Variants in PCLO observed in about 807,000 individuals in gnomAD.
The protein encoded by PCLO is piccolo presynaptic cytomatrix protein, also known as protein piccolo.
A neutral mutation model predicts 427.5 loss-of-function variants in PCLO; 82 were observed. That is an observed-to-expected ratio of 0.19 (90% CI 0.16 to 0.23). The LOEUF (loss-of-function observed/expected upper bound fraction) is 0.23. Among genes scored for constraint, PCLO ranks in the 10% least tolerant of loss-of-function variants. The pLI is 1.00. For synonymous variants in PCLO, 2,357 were observed against 2,155.4 expected (o/e 1.09, Z -2.59); for missense variants, 6,239 against 6,115.9 (o/e 1.02, Z -0.67).
intron 2 of PCLO, among the ~76,000 whole-genome samples, chr7:83,143,322 T>C (rs1468995572): frequency 6.6e-6 from 1 of 152,212 alleles, no homozygotes; most frequent in Non-Finnish European, 1.5e-5. Context: ...TAGCTATTCA[T>C]ATTCATGCAT....
intron 3 of PCLO, among the ~76,000 whole-genome samples, chr7:83,060,991 T>C (rs1789529722): frequency 6.6e-6 from 1 of 152,212 alleles, no homozygotes; most frequent in African/African-American, 2.4e-5. Context: ...CAGAAGTCTT[T>C]TCTGCCCCCA....
At chr7:82,779,655 G>C (rs1583965548) in intron 22 of PCLO, among the ~76,000 whole-genome samples, 1 of 151,632 alleles carries the variant, frequency 6.6e-6, no homozygotes, top group African/African-American at 2.4e-5. Flanking sequence ...AAGAAATCTA[G>C]AGGTAGACAT....
intron 2 of PCLO, among the ~76,000 whole-genome samples, chr7:83,141,489 A>G (rs975985603): frequency 6.6e-6 from 1 of 152,198 alleles, no homozygotes; most frequent in African/African-American, 2.4e-5. Flanking sequence ...GAAAGGCATA[A>G]AAGTATTTGT....
intron 4 of PCLO, among the ~76,000 whole-genome samples, chr7:82,958,827 G>A (rs191900652): frequency 2.4e-4 from 37 of 152,250 alleles, no homozygotes; most frequent in South Asian, 1.7e-3. Flanking sequence ...TTATAGTGGA[G>A]AGACATTTCC....
At chr7:82,904,963 C>T (rs1415340808) in intron 8 of PCLO, among the ~76,000 whole-genome samples, 1 of 152,078 alleles carries the variant, frequency 6.6e-6, no homozygotes, top group Non-Finnish European at 1.5e-5. Flanking sequence ...TATCTGTCTT[C>T]CATGTATGAA....
In PCLO at chr7:83,078,834, C is replaced by T. The variant is rs375175664; in HGVS notation, c.3300+55416G>A. Among the ~76,000 whole-genome samples the T allele has an allele frequency of 6.6e-5, 10 of 152,204 alleles. No individual in the cohort carries two copies. The South Asian group carries it at 8.3e-4, about 13-fold the overall frequency. ...AACAGGCATGATCCAACCCACCTGG[C>T]CACTAGCATTAATTATTAATATAAA... is the stretch of plus-strand genomic sequence containing the variant. On this transcript the variant is annotated intron_variant, in intron 3 of 24. Transcript: ENST00000333891.
chr7:83,079,744 C>T (rs1790047507), intron 3 of PCLO, among the ~76,000 whole-genome samples: 1 of 151,990 alleles, frequency 6.6e-6, no homozygotes. Flanking sequence ...TTCTGGGGTA[C>T]ATGTACAGAA....
At chr7:82,971,682 T>C (rs1795910534) in intron 3 of PCLO, among the ~76,000 whole-genome samples, 1 of 148,478 alleles carries the variant, frequency 6.7e-6, no homozygotes, top group Non-Finnish European at 1.5e-5. Flanking sequence ...AATTCAAATT[T>C]GTTTATTACT....
chr7:83,101,109 A>G (rs1055076816), intron 3 of PCLO, among the ~76,000 whole-genome samples: 1 of 151,930 alleles, frequency 6.6e-6, no homozygotes, highest in African/African-American at 2.4e-5. Context: ...TTTTCCAGTT[A>G]TTAAAATTAA....
At position 82,755,740 on chromosome 7, in the gene PCLO, A is replaced by T. The variant is rs1790304615; in HGVS notation, c.*2835T>A. On this transcript the variant is annotated 3_prime_UTR_variant, in exon 25 of 25. Coordinates refer to ENST00000333891, the MANE Select transcript of PCLO (RefSeq NM_033026.6). ...TGATATGTACAAAAAAGTAAAAAAC[A>T]CCAAGAGCCCTATTTGCAATAAAAA... 1 of 152,298 alleles carries T rather than the reference A, an allele frequency of 6.6e-6. No homozygotes were observed. The highest frequency in any genetic ancestry group is 1.9e-4 in the East Asian group (1 of 5,190). 9.4% of individuals were successfully genotyped at this position (152,298 alleles called of 1,614,324 possible).
chr7:82,789,669 C>T (rs763290402), intron 22 of PCLO, among the ~76,000 whole-genome samples: 5 of 152,096 alleles, frequency 3.3e-5, no homozygotes, highest in African/African-American at 7.2e-5. Flanking sequence ...CGCACCACTG[C>T]GCTCCAGCCT....
chr7:83,155,311 G>T lies in PCLO; in HGVS notation c.1330C>A (p.Pro444Thr). 2 of 1,614,000 alleles carry T rather than the reference G, an allele frequency of 1.2e-6. No individual in the cohort carries two copies. The highest frequency in any genetic ancestry group is 1.7e-6 in the Non-Finnish European group (2 of 1,179,886). ...TGAGCTGGAATCTTTCCTGGCCCAG[G>T]CTGCTGAACTGGAGTCTTTGTAGGC... ...PGPTKTPVQQ[P>T]GPGKIPAQQA... The change falls in exon 2 of 25, where the codon CCT (proline) becomes ACT (threonine). Residue 444 changes from proline to threonine, a missense_variant. Pro to Thr is a conservative substitution (Grantham distance 38). Coordinates refer to ENST00000333891, the MANE Select transcript of PCLO (RefSeq NM_033026.6).
At chr7:82,897,614 C>T (rs1047269244) in intron 9 of PCLO, among the ~76,000 whole-genome samples, 23 of 151,222 alleles carry the variant, frequency 1.5e-4, no homozygotes, top group African/African-American at 3.6e-4. Flanking sequence ...ATTGTTAGTA[C>T]GTTAAGAATC....
In PCLO at chr7:82,952,880, G is replaced by A; in HGVS notation, c.8073C>T (p.Leu2691=). The A allele has an allele frequency of 3.1e-6, 5 of 1,613,946 alleles. No homozygotes were observed. The highest frequency in any genetic ancestry group is 4.2e-6 in the Non-Finnish European group (5 of 1,179,848). The change falls in exon 5 of 25, where the codon CTC becomes CTT. Residue 2691 remains leucine, a synonymous_variant. Coordinates refer to ENST00000333891, the MANE Select transcript of PCLO (RefSeq NM_033026.6). ...GAGGAATTGTTATGGAAATGCTGCTGAGACCAACACTAGGAGCTGTACTTC... is the reference window on the plus strand; with the variant it reads ...GAGGAATTGTTATGGAAATGCTGCTAAGACCAACACTAGGAGCTGTACTTC... ...ATRSTAPSVG[L]SSISITIPPE... is the part of the protein sequence containing the mutation.
chr7:82,824,685 AAGAT>A (rs1285921461), intron 18 of PCLO, among the ~76,000 whole-genome samples: 1 of 151,346 alleles, frequency 6.6e-6, no homozygotes, highest in Non-Finnish European at 1.5e-5. Flanking sequence ...ATGATGTTAA[AAGAT>A]AGGGTCACAA....
intron 3 of PCLO, among the ~76,000 whole-genome samples, chr7:83,103,893 C>G (rs1174020388): frequency 1.3e-5 from 2 of 151,886 alleles, no homozygotes; most frequent in Non-Finnish European, 2.9e-5. Flanking sequence ...AGATATTTGC[C>G]TGTACTTGGT....
chr7:82,901,808 A>G (rs1794047906), intron 9 of PCLO, among the ~76,000 whole-genome samples: 1 of 152,206 alleles, frequency 6.6e-6, no homozygotes. Context: ...TTATGCAGAC[A>G]AAAGACAGAT....
At chr7:82,934,874 T>C (rs1484456996) in intron 6 of PCLO, among the ~76,000 whole-genome samples, 2 of 151,634 alleles carry the variant, frequency 1.3e-5, no homozygotes, top group Non-Finnish European at 3.0e-5. Context: ...GTAGATATTA[T>C]GATAAATGGC....
chr7:83,106,444 A>T (rs558342503), intron 3 of PCLO, among the ~76,000 whole-genome samples: 1 of 152,248 alleles, frequency 6.6e-6, no homozygotes, highest in South Asian at 2.1e-4. Context: ...CGAAGTAAAT[A>T]CTTTGATTTG....
Sources: gnomAD v4.1 joint callset for allele counts (sites outside exome capture counted in the v4.1 genomes callset) on GRCh38, gnomAD v4.1.1 for gene constraint, MANE v1.5 for transcripts, NCBI Gene and HGNC (gene_info 2026-07-23, HGNC 2026-07-21) for gene names.